The following SLC16A10 variants were observed in gnomAD, a reference collection of about 807,000 sequenced individuals.
SLC16A10 encodes the protein monocarboxylate transporter 10.
A neutral mutation model predicts 40.0 loss-of-function variants in SLC16A10; 27 were observed. The observed-to-expected ratio is 0.67, with a 90% CI of 0.50 to 0.93. The LOEUF is 0.93. Ranked by LOEUF, SLC16A10 falls within the 40% of genes least tolerant of loss-of-function variation. The pLI is 0.00. For synonymous variants in SLC16A10, 213 were observed against 249.8 expected (o/e 0.85, Z 1.39); for missense variants, 529 against 658.2 (o/e 0.80, Z 2.15).
Position 111,223,262 on chromosome 6 carries a change from T to C in SLC16A10, c.*1027T>C, listed in dbSNP as rs1770936125. ...AGTCTGAAAAGGTTAAAAGCACTTA[T>C]AAAAAGAACCAAGTCCTACATTTCC... On this transcript the variant is annotated 3_prime_UTR_variant, in exon 6 of 6. Transcript: ENST00000368851. 6.6e-6 allele frequency: 1 copy of C among 152,166 alleles called. No homozygotes were observed. The highest frequency in any genetic ancestry group is 2.4e-5 in the African/African-American group (1 of 41,426). 9.4% of individuals were successfully genotyped at this position (152,166 alleles called of 1,614,324 possible). A position where few individuals can be genotyped will look rare whatever the true frequency, so the allele number is the denominator to read the frequency against.
In SLC16A10 at chr6:111,224,691, T is replaced by C. The variant is rs1770959377; in HGVS notation, c.*2456T>C. 1 of 152,228 alleles carries C rather than the reference T, an allele frequency of 6.6e-6. No individual in the cohort carries two copies. The highest frequency in any genetic ancestry group is 1.5e-5 in the Non-Finnish European group (1 of 68,040). The allele number at this position is 152,228 out of a possible 1,614,324, so 9.4% of individuals were successfully genotyped here. Reference sequence around the variant, plus strand: ...TTCCATAAATGCATATTTAGTACTATGTTTTTTGTGGGAAAAGTTCTAAAA... The same window carrying C: ...TTCCATAAATGCATATTTAGTACTACGTTTTTTGTGGGAAAAGTTCTAAAA... On this transcript the variant is annotated 3_prime_UTR_variant, in exon 6 of 6. Coordinates refer to ENST00000368851, the MANE Select transcript of SLC16A10 (RefSeq NM_018593.5).
chr6:111,100,044 A>AT (rs931179046), intron 1 of SLC16A10, among the ~76,000 whole-genome samples: 6 of 148,336 alleles, frequency 4.0e-5, no homozygotes, highest in African/African-American at 7.4e-5. Flanking sequence ...AAAAAAGGTT[A>AT]TTTTTTTTCA....
chr6:111,194,865 T>G (rs1773054721), intron 3 of SLC16A10, among the ~76,000 whole-genome samples: 1 of 152,190 alleles, frequency 6.6e-6, no homozygotes, highest in Admixed American at 6.6e-5. Flanking sequence ...GCCAGATATT[T>G]CCTTGCTAGG....
intron 1 of SLC16A10, among the ~76,000 whole-genome samples, chr6:111,144,514 T>C (rs1198313326): frequency 2.6e-5 from 4 of 152,246 alleles, no homozygotes; most frequent in Non-Finnish European, 5.9e-5. Flanking sequence ...ATTTGAATGA[T>C]TTTTATCAAA....
intron 5 of SLC16A10, among the ~76,000 whole-genome samples, chr6:111,219,862 T>G (rs920476638): frequency 3.9e-5 from 6 of 152,014 alleles, no homozygotes; most frequent in African/African-American, 1.4e-4. Context: ...GGAGAATCAT[T>G]TGAGCTCAGG....
chr6:111,122,000 C>T lies in SLC16A10; in HGVS notation c.343+33905C>T, dbSNP rs547079047. On this transcript the variant is annotated intron_variant, in intron 1 of 5. Coordinates refer to ENST00000368851, the MANE Select transcript of SLC16A10 (RefSeq NM_018593.5). ...CCCTGGCACCCCAGGCCCTTCTTGG[C>T]CCCTACCCCGTGTTCACTGTTGCCC... Among the ~76,000 whole-genome samples the T allele has an allele frequency of 5.3e-5, 8 of 152,290 alleles. No individual in the cohort carries two copies. In the South Asian group the frequency reaches 1.2e-3, roughly 24 times the overall value.
chr6:111,193,294 T>C (rs1043614767), intron 3 of SLC16A10: 1 of 985,750 alleles, frequency 1.0e-6, no homozygotes, highest in Non-Finnish European at 1.2e-6. Flanking sequence ...TTCCTTCAGA[T>C]CTCAACATCT....
intron 3 of SLC16A10, among the ~76,000 whole-genome samples, chr6:111,190,776 GCACACAGCAGGGGGGC>G (rs1283511037): frequency 3.9e-5 from 6 of 152,194 alleles, no homozygotes; most frequent in East Asian, 1.9e-4. Flanking sequence ...TCCCTAAGCT[GCACACAGCAGGGGGGC>G]CACACAGCAG....
chr6:111,101,109 C>T (rs1771180170), intron 1 of SLC16A10, among the ~76,000 whole-genome samples: 2 of 151,012 alleles, frequency 1.3e-5, no homozygotes, highest in South Asian at 2.1e-4. Context: ...TGGCTCACTG[C>T]AGCCTCGACC....
intron 5 of SLC16A10, among the ~76,000 whole-genome samples, chr6:111,219,994 C>T (rs1040857341): frequency 6.6e-6 from 1 of 152,060 alleles, no homozygotes; most frequent in African/African-American, 2.4e-5. Context: ...GAGGCGGAGG[C>T]GAGAGGATCT....
intron 4 of SLC16A10, among the ~76,000 whole-genome samples, chr6:111,212,580 C>T (rs1450284319): frequency 6.6e-6 from 1 of 151,942 alleles, no homozygotes; most frequent in East Asian, 1.9e-4. Flanking sequence ...ATCCCTTGAC[C>T]CCAGGAATGC....
intron 1 of SLC16A10, among the ~76,000 whole-genome samples, chr6:111,125,363 C>T (rs1771656467): frequency 6.6e-6 from 1 of 152,014 alleles, no homozygotes; most frequent in Admixed American, 6.6e-5. Flanking sequence ...TGCATATGGG[C>T]GTGGAGTGGT....
At chr6:111,151,814 GC>G (rs1367658444) in intron 1 of SLC16A10, among the ~76,000 whole-genome samples, 1 of 152,092 alleles carries the variant, frequency 6.6e-6, no homozygotes, top group Non-Finnish European at 1.5e-5. Context: ...CCCATCCTTT[GC>G]CTGATGAACG....
chr6:111,116,213 T>C (rs564038977), intron 1 of SLC16A10, among the ~76,000 whole-genome samples: 1 of 152,244 alleles, frequency 6.6e-6, no homozygotes, highest in Non-Finnish European at 1.5e-5. Context: ...AAATTTGTTT[T>C]TGTTATTTTT....
intron 1 of SLC16A10, among the ~76,000 whole-genome samples, chr6:111,115,819 C>G (rs1381403759): frequency 6.6e-6 from 1 of 151,830 alleles, no homozygotes; most frequent in Non-Finnish European, 1.5e-5. Context: ...TTACTGAAAC[C>G]TAAAAAGAGG....
At chr6:111,202,518 G>A (rs1773184428) in intron 3 of SLC16A10, among the ~76,000 whole-genome samples, 1 of 152,048 alleles carries the variant, frequency 6.6e-6, no homozygotes, top group South Asian at 2.1e-4. Flanking sequence ...TGTTGAAGAT[G>A]TCAATTAGCA....
At chr6:111,172,651 C>T in intron 1 of SLC16A10, 44 bp from the exon 2 acceptor site, 1 of 1,594,838 alleles carries the variant, frequency 6.3e-7, no homozygotes, top group Non-Finnish European at 8.6e-7. Context: ...ACAAATATAA[C>T]TTACCATGTC....
chr6:111,194,054 C>G (rs959248670), intron 3 of SLC16A10, among the ~76,000 whole-genome samples: 2 of 152,194 alleles, frequency 1.3e-5, no homozygotes, highest in African/African-American at 4.8e-5. Flanking sequence ...CTTCATTGCT[C>G]TAGCCCCAGC....
At chr6:111,200,748 ATTT>A (rs970462201) in intron 3 of SLC16A10, among the ~76,000 whole-genome samples, 1 of 152,238 alleles carries the variant, frequency 6.6e-6, no homozygotes, top group East Asian at 1.9e-4. Flanking sequence ...ATGTACGTCT[ATTT>A]TTTTAAAGGG....
Sources: gnomAD v4.1 joint callset for allele counts (sites outside exome capture counted in the v4.1 genomes callset) on GRCh38, gnomAD v4.1.1 for gene constraint, MANE v1.5 for transcripts, NCBI Gene and HGNC (gene_info 2026-07-23, HGNC 2026-07-21) for gene names.